Variants in MTARC1 observed in about 807,000 individuals in gnomAD.
The protein encoded by MTARC1 is mitochondrial amidoxime reducing component 1.
In MTARC1, 24 loss-of-function variants were observed where a neutral mutation model predicts 33.6. The ratio of observed to expected loss-of-function variants is 0.72; its 90% CI spans 0.52 to 1.01. The LOEUF is 1.01. Ranked by LOEUF, MTARC1 falls within the 50% of genes least tolerant of loss-of-function variation. The pLI, the probability that MTARC1 is intolerant of heterozygous loss-of-function variation, is 0.00. For synonymous variants in MTARC1, 187 were observed against 189.5 expected, an observed-to-expected ratio of 0.99 and a Z score of 0.11; for missense variants, 417 against 445.7, an observed-to-expected ratio of 0.94 and a Z score of 0.58.
chr1:220,804,215 C>T (rs1672898582), intron 4 of MTARC1, among the ~76,000 whole-genome samples: 1 of 152,136 alleles, frequency 6.6e-6, no homozygotes, highest in South Asian at 2.1e-4. Context: ...CTTTTAGACT[C>T]AGCACCCATC....
chr1:220,805,748 G>T (rs1160406399), intron 6 of MTARC1, among the ~76,000 whole-genome samples: 1 of 152,184 alleles, frequency 6.6e-6, no homozygotes, highest in Non-Finnish European at 1.5e-5. Context: ...TTTTAAAAAT[G>T]TGTCACAATC....
intron 4 of MTARC1, among the ~76,000 whole-genome samples, chr1:220,800,801 G>A (rs532924511): frequency 3.9e-5 from 6 of 152,124 alleles, no homozygotes; most frequent in African/African-American, 1.4e-4. Flanking sequence ...TCTGACTTCC[G>A]CTGGCTCAGG....
rs763973712 is a variant in MTARC1, at chr1:220,818,003, T to C, written c.*4585T>C. On this transcript the variant is annotated 3_prime_UTR_variant, in exon 7 of 7. Coordinates refer to ENST00000366910, the MANE Select transcript of MTARC1 (RefSeq NM_022746.4). Reference sequence around the variant, plus strand: ...TCTATGTCTGCACAAAGCACTACTGTGCTTTGCTGTCTGCAAGAACAGAGA... The same window carrying C: ...TCTATGTCTGCACAAAGCACTACTGCGCTTTGCTGTCTGCAAGAACAGAGA... The C allele has an allele frequency of 6.6e-5, 10 of 152,224 alleles. No homozygotes were observed. The highest frequency in any genetic ancestry group is 1.3e-4 in the Non-Finnish European group (9 of 68,048). 9.4% of individuals were successfully genotyped at this position (152,224 alleles called of 1,614,324 possible).
intron 4 of MTARC1, chr1:220,798,404 G>A: frequency 2.6e-6 from 3 of 1,175,946 alleles, no homozygotes; most frequent in Non-Finnish European, 3.2e-6. Flanking sequence ...TCTTGGAGAA[G>A]ACAGGCATTT....
At chr1:220,795,963 G>A (rs1672600598) in intron 2 of MTARC1, among the ~76,000 whole-genome samples, 1 of 152,112 alleles carries the variant, frequency 6.6e-6, no homozygotes, top group South Asian at 2.1e-4. Flanking sequence ...TGAAACACTG[G>A]CCTACACCAT....
intron 6 of MTARC1, among the ~76,000 whole-genome samples, chr1:220,806,004 G>A (rs1284735430): frequency 6.6e-6 from 1 of 152,154 alleles, no homozygotes; most frequent in African/African-American, 2.4e-5. Context: ...ATGCACATGA[G>A]TAGATAAAAG....
In MTARC1 at chr1:220,815,370, TAAG is replaced by T. The variant is rs1673259378; in HGVS notation, c.*1955_*1957del. ...TTAGTCCTGAATTTCTAACCACTTG[TAAG>T]AACTAACAGCCACTTCTCTGTGCCC... On this transcript the variant is annotated 3_prime_UTR_variant, in exon 7 of 7. Coordinates refer to ENST00000366910, the MANE Select transcript of MTARC1 (RefSeq NM_022746.4). The T allele has an allele frequency of 6.6e-6, 1 of 152,184 alleles. No individual in the cohort carries two copies. Among genetic ancestry groups the T allele is most frequent in the South Asian group, 2.1e-4 (1 of 4,828 alleles). The allele number at this position is 152,184 out of a possible 1,614,324, so 9.4% of individuals were successfully genotyped here. A position where few individuals can be genotyped will look rare whatever the true frequency, so the allele number is the denominator to read the frequency against.
chr1:220,802,284 T>C (rs932334562), intron 4 of MTARC1, among the ~76,000 whole-genome samples: 17 of 152,120 alleles, frequency 1.1e-4, no homozygotes, highest in Non-Finnish European at 2.5e-4. Flanking sequence ...CTCAGACTTA[T>C]GTGCTCCCAC....
chr1:220,796,948 A>G (rs1672640942), intron 3 of MTARC1, 143 bp downstream of exon 3: 2 of 875,994 alleles, frequency 2.3e-6, no homozygotes, highest in African/African-American at 3.6e-5. Flanking sequence ...GGCAGAAATA[A>G]AGCCCTTCCC....
chr1:220,788,076 A>G (rs1167820394), intron 1 of MTARC1, among the ~76,000 whole-genome samples: 2 of 152,194 alleles, frequency 1.3e-5, no homozygotes, highest in Non-Finnish European at 2.9e-5. Context: ...ATTCTCTCCA[A>G]TGCTCTCAAG....
At position 220,810,100 on chromosome 1, in the gene MTARC1, G is replaced by A. The variant is rs148712451; in HGVS notation, c.888-3192G>A. 2.4e-3 allele frequency among the ~76,000 whole-genome samples: 366 copies of A among 152,320 alleles called. 2 individuals carry two copies. The highest frequency in any genetic ancestry group is 3.7e-3 in the Non-Finnish European group (250 of 68,020). ...AGTGTCTTGGGCTTCCTGCTCATTA[G>A]AATAGTTATGTTTCATGTTCATTTA... On this transcript the variant is annotated intron_variant, in intron 6 of 6. Transcript: ENST00000366910.
At chr1:220,801,858 C>T (rs1397120395) in intron 4 of MTARC1, among the ~76,000 whole-genome samples, 1 of 152,088 alleles carries the variant, frequency 6.6e-6, no homozygotes, top group Non-Finnish European at 1.5e-5. Context: ...CTCCTCATCT[C>T]GGAAGCTACC....
At chr1:220,787,406 A>G (rs1407441369) in intron 1 of MTARC1, among the ~76,000 whole-genome samples, 187 bp downstream of exon 1, 1 of 152,142 alleles carries the variant, frequency 6.6e-6, no homozygotes, top group Admixed American at 6.5e-5. Context: ...ATCAGACCCC[A>G]GGGCTCTGGG....
At chr1:220,808,828 T>C (rs754066544) in intron 6 of MTARC1, 3 of 471,054 alleles carry the variant, frequency 6.4e-6, no homozygotes, top group East Asian at 1.4e-4. Context: ...CAGGAAGATA[T>C]GAAAATGGAA....
intron 6 of MTARC1, among the ~76,000 whole-genome samples, chr1:220,812,726 T>A (rs1056253524): frequency 2.2e-5 from 3 of 135,096 alleles, no homozygotes; most frequent in Non-Finnish European, 3.3e-5. Context: ...ATTGAGTATC[T>A]AATTTTTTTT....
At chr1:220,801,203 T>C (rs10863565) in intron 4 of MTARC1, among the ~76,000 whole-genome samples, 124,740 of 152,050 alleles carry the variant, frequency 0.82, 51,508 homozygotes, top group East Asian at 0.92. Context: ...TCTGCTCTCT[T>C]ACTCTGCCCC....
intron 2 of MTARC1, among the ~76,000 whole-genome samples, chr1:220,795,791 T>C (rs1001534875): frequency 6.6e-6 from 1 of 152,228 alleles, no homozygotes; most frequent in African/African-American, 2.4e-5. Flanking sequence ...GTGTGTTCTT[T>C]CTTTGTTAAA....
intron 4 of MTARC1, among the ~76,000 whole-genome samples, chr1:220,800,903 C>A (rs879321008): frequency 1.1e-4 from 17 of 148,646 alleles, no homozygotes; most frequent in Admixed American, 6.7e-4. Context: ...CCTTCCCCCC[C>A]ACTCCCCTCT....
intron 2 of MTARC1, among the ~76,000 whole-genome samples, chr1:220,794,947 C>A (rs1408633168): frequency 6.6e-6 from 1 of 152,196 alleles, no homozygotes. Flanking sequence ...ATACACCAAT[C>A]TACTGCTTAA....
Sources: gnomAD v4.1 joint callset for allele counts (sites outside exome capture counted in the v4.1 genomes callset) on GRCh38, gnomAD v4.1.1 for gene constraint, MANE v1.5 for transcripts, NCBI Gene and HGNC (gene_info 2026-07-23, HGNC 2026-07-21) for gene names.